The following SDCCAG8 variants were observed in gnomAD, a reference collection of about 807,000 sequenced individuals.
SDCCAG8 encodes SHH signaling and ciliogenesis regulator SDCCAG8, also known as serologically defined colon cancer antigen 8.
SDCCAG8 carries 74 observed loss-of-function variants against 101.8 expected under a neutral mutation model. The observed-to-expected ratio is 0.73, with a 90% CI of 0.60 to 0.88. The LOEUF (loss-of-function observed/expected upper bound fraction) is 0.88, where lower values mean the gene tolerates loss of function less well. SDCCAG8 is among the 40% of genes least tolerant of loss of function. SDCCAG8 has a pLI of 0.00. For missense variants in SDCCAG8, 787 were observed against 822.6 expected (o/e 0.96, Z 0.53); for synonymous variants, 281 against 292.9 (o/e 0.96, Z 0.41).
intron 17 of SDCCAG8, among the ~76,000 whole-genome samples, chr1:243,490,215 T>C (rs976011961): frequency 6.6e-6 from 1 of 152,246 alleles, no homozygotes; most frequent in South Asian, 2.1e-4. Context: ...GCCAAACATG[T>C]GTTCACAGAC....
chr1:243,293,176 C>T lies in SDCCAG8; in HGVS notation c.632C>T (p.Ala211Val), dbSNP rs1286985966. 6.2e-7 allele frequency: 1 copy of T among 1,614,140 alleles called. No homozygotes were observed. The highest frequency in any genetic ancestry group is 8.5e-7 in the Non-Finnish European group (1 of 1,179,980). Residue 211 changes from alanine (A) to valine (V), a missense_variant, in exon 6 of 18, where the codon GCA becomes GTA. Transcript: ENST00000366541. ...AAAAGACCATTTTCCCATGACAATG[C>T]AGATTTTGGCAAAGCTGCATCTGCT... ...TSKRPFSHDN[A>V]DFGKAASAGE...
At chr1:243,499,196 A>T (rs1668866301) in intron 17 of SDCCAG8, among the ~76,000 whole-genome samples, 2 of 152,232 alleles carry the variant, frequency 1.3e-5, no homozygotes, top group Admixed American at 1.3e-4. Context: ...GCGTAAAACT[A>T]AGAGACCTCA....
Position 243,307,570 on chromosome 1 carries a change from G to A in SDCCAG8, c.741-419G>A. On this transcript the variant is annotated intron_variant, in intron 7 of 17. Coordinates refer to ENST00000366541, the MANE Select transcript of SDCCAG8 (RefSeq NM_006642.5). Reference sequence around the variant, plus strand: ...TTTTAAGAGATTAATGCTTGAAATAGGGTATTTTCCTCACCTCAAGTATGT... The same window carrying A: ...TTTTAAGAGATTAATGCTTGAAATAAGGTATTTTCCTCACCTCAAGTATGT... The A allele has an allele frequency of 8.1e-6, 8 of 983,796 alleles. No homozygotes were observed. In the South Asian group the frequency reaches 2.8e-4, roughly 35 times the overall value. 60.9% of individuals were successfully genotyped at this position (983,796 alleles called of 1,614,324 possible).
At chr1:243,428,862 C>A (rs755496444) in intron 16 of SDCCAG8, among the ~76,000 whole-genome samples, 15 of 152,198 alleles carry the variant, frequency 9.9e-5, no homozygotes, top group Non-Finnish European at 1.8e-4. Flanking sequence ...TTGCGAGGAG[C>A]TCAAGTATTG....
In SDCCAG8 at chr1:243,499,927, C is replaced by A; in HGVS notation, c.*142C>A. 1 of 763,068 alleles carries A rather than the reference C, an allele frequency of 1.3e-6. No individual in the cohort carries two copies. The highest frequency in any genetic ancestry group is 2.3e-6 in the Non-Finnish European group (1 of 438,738). 47.3% of individuals were successfully genotyped at this position (763,068 alleles called of 1,614,324 possible). Reference sequence around the variant, plus strand: ...GCAGTGGGGCTGGTCCTCATCAACGCGGGCGCTGTCCCCGCACGCAGTCGG... The same window carrying A: ...GCAGTGGGGCTGGTCCTCATCAACGAGGGCGCTGTCCCCGCACGCAGTCGG... On this transcript the variant is annotated 3_prime_UTR_variant, in exon 18 of 18. Transcript: ENST00000366541.
At chr1:243,485,443 C>A (rs1468126206) in intron 16 of SDCCAG8, among the ~76,000 whole-genome samples, 1 of 152,080 alleles carries the variant, frequency 6.6e-6, no homozygotes, top group Non-Finnish European at 1.5e-5. Flanking sequence ...GTGAACTCAA[C>A]ACCACAAATA....
At chr1:243,481,945 T>C (rs1663839140) in intron 16 of SDCCAG8, among the ~76,000 whole-genome samples, 1 of 152,246 alleles carries the variant, frequency 6.6e-6, no homozygotes, top group Non-Finnish European at 1.5e-5. Context: ...GGGGCTGGCC[T>C]GGAGAAGAAA....
intron 13 of SDCCAG8, among the ~76,000 whole-genome samples, chr1:243,383,326 T>C (rs921973743): frequency 1.4e-4 from 22 of 152,230 alleles, no homozygotes; most frequent in African/African-American, 5.3e-4. Flanking sequence ...CTCCAGGCAT[T>C]CTTTGCAACT....
chr1:243,323,019 C>T (rs1338957759), intron 9 of SDCCAG8, among the ~76,000 whole-genome samples: 1 of 151,920 alleles, frequency 6.6e-6, no homozygotes, highest in Non-Finnish European at 1.5e-5. Flanking sequence ...CCTGTAGTCC[C>T]AGCTACTCGG....
At chr1:243,284,730 T>C (rs1445716739) in intron 4 of SDCCAG8, among the ~76,000 whole-genome samples, 1 of 152,204 alleles carries the variant, frequency 6.6e-6, no homozygotes, top group Admixed American at 6.5e-5. Flanking sequence ...TTACAAGGAA[T>C]GCAACATGCC....
At chr1:243,419,189 C>G (rs987694884) in intron 15 of SDCCAG8, among the ~76,000 whole-genome samples, 12 of 152,022 alleles carry the variant, frequency 7.9e-5, no homozygotes, top group African/African-American at 2.9e-4. Flanking sequence ...CTGTAACCAC[C>G]AAGAATGTAC....
At chr1:243,389,649 G>T (rs2078577807) in intron 13 of SDCCAG8, among the ~76,000 whole-genome samples, 1 of 152,098 alleles carries the variant, frequency 6.6e-6, no homozygotes, top group African/African-American at 2.4e-5. Flanking sequence ...ATTTGCAAAA[G>T]ATTAGAAATT....
At chr1:243,318,659 C>G (rs1244817863) in intron 9 of SDCCAG8, 1 of 640,134 alleles carries the variant, frequency 1.6e-6, no homozygotes, top group African/African-American at 2.0e-5. Context: ...ACCAAACTCC[C>G]CAACATACTG....
chr1:243,263,695 TACTCCTGGCGCCA>T (rs144091936), intron 1 of SDCCAG8, among the ~76,000 whole-genome samples: 9,822 of 152,268 alleles, frequency 0.065, 764 homozygotes, highest in African/African-American at 0.19. Flanking sequence ...GATTATCTTT[TACTCCTGGCGCCA>T]ACCACTTTAG....
At chr1:243,297,192 G>C (rs368612676) in intron 6 of SDCCAG8, among the ~76,000 whole-genome samples, 3 of 152,138 alleles carry the variant, frequency 2.0e-5, no homozygotes, top group East Asian at 3.9e-4. Context: ...GAATTGTATA[G>C]TATGTATTCT....
At chr1:243,356,429 G>A (rs1334074346) in intron 12 of SDCCAG8, among the ~76,000 whole-genome samples, 1 of 139,428 alleles carries the variant, frequency 7.2e-6, no homozygotes, top group Non-Finnish European at 1.6e-5. Flanking sequence ...GCGGGGGGGT[G>A]GTGGGGGAAG....
intron 16 of SDCCAG8, among the ~76,000 whole-genome samples, chr1:243,427,937 G>T (rs984378494): frequency 1.1e-4 from 17 of 152,192 alleles, no homozygotes; most frequent in African/African-American, 3.9e-4. Flanking sequence ...GGTCTCCGTG[G>T]CATAGTCTTC....
chr1:243,424,872 G>A (rs2081239301), intron 15 of SDCCAG8, among the ~76,000 whole-genome samples: 1 of 151,884 alleles, frequency 6.6e-6, no homozygotes, highest in South Asian at 2.1e-4. Flanking sequence ...AAGTGCCTGG[G>A]AAAAGATCAA....
chr1:243,433,356 GAAA>G (rs914707825), intron 16 of SDCCAG8, among the ~76,000 whole-genome samples: 2 of 64,958 alleles, frequency 3.1e-5, no homozygotes, highest in Non-Finnish European at 3.4e-5. Flanking sequence ...CGTCTCAAAA[GAAA>G]AAAAAAAAAA....
Sources: gnomAD v4.1 joint callset for allele counts (sites outside exome capture counted in the v4.1 genomes callset) on GRCh38, gnomAD v4.1.1 for gene constraint, MANE v1.5 for transcripts, NCBI Gene and HGNC (gene_info 2026-07-23, HGNC 2026-07-21) for gene names.